Variants in SQOR observed in about 807,000 individuals in gnomAD.
SQOR encodes the protein sulfide quinone oxidoreductase.
Under a neutral mutation model 48.6 loss-of-function variants are expected in SQOR, and 39 were observed. That is an observed-to-expected ratio of 0.80 (90% CI 0.62 to 1.05). The LOEUF is 1.05. Among genes scored for constraint, SQOR ranks in the 50% least tolerant of loss-of-function variants. The pLI, the probability that SQOR is intolerant of heterozygous loss-of-function variation, is 0.00. For synonymous variants in SQOR, 220 were observed against 206.2 expected (o/e 1.07, Z -0.57); for missense variants, 561 against 559.9 (o/e 1.00, Z -0.02).
At chr15:45,632,442 G>C (rs569833264), upstream of SQOR, among the ~76,000 whole-genome samples, 1 of 151,720 alleles carries the variant, frequency 6.6e-6, no homozygotes, top group Non-Finnish European at 1.5e-5. Flanking sequence ...GGCTGGTCTC[G>C]AACTCCTGAC....
intron 7 of SQOR, among the ~76,000 whole-genome samples, chr15:45,684,569 C>T (rs1890186757): frequency 6.6e-6 from 1 of 151,702 alleles, no homozygotes; most frequent in Non-Finnish European, 1.5e-5. Context: ...TGAAGCTAGA[C>T]TTCCTCACTG....
upstream of SQOR, chr15:45,634,875 C>G (rs977255855): frequency 6.6e-6 from 1 of 152,246 alleles, no homozygotes; most frequent in Non-Finnish European, 1.5e-5. Context: ...TTCTGTGCCC[C>G]GTGAGCGCTC....
At chr15:45,652,609 A>C (rs1465229123) in intron 1 of SQOR, among the ~76,000 whole-genome samples, 1 of 145,914 alleles carries the variant, frequency 6.9e-6, no homozygotes, top group Non-Finnish European at 1.5e-5. Flanking sequence ...CAGCCTCCCT[A>C]AAGTTTTGGT....
chr15:45,636,489 C>T (rs536241978), intron 1 of SQOR, among the ~76,000 whole-genome samples: 22 of 151,614 alleles, frequency 1.5e-4, no homozygotes, highest in African/African-American at 2.4e-4. Context: ...ATGCAACCTC[C>T]GCCTGCTGGG....
chr15:45,643,685 C>A (rs1033215263), intron 1 of SQOR, among the ~76,000 whole-genome samples: 2 of 152,220 alleles, frequency 1.3e-5, no homozygotes, highest in South Asian at 4.1e-4. Flanking sequence ...GTTCTGCAAA[C>A]TTAGCCCCTG....
In SQOR at chr15:45,658,979, T is replaced by G. The variant is rs1889667293; in HGVS notation, c.56T>G (p.Leu19Arg). Reference sequence around the variant, plus strand: ...CCCCGTGCCCAGCTCTTTGCCTGCCTGCTCAGGCTGGGCACTCAGCAGGTC... The same window carrying G: ...CCCCGTGCCCAGCTCTTTGCCTGCCGGCTCAGGCTGGGCACTCAGCAGGTC... ...SGPRAQLFAC[L>R]LRLGTQQVGP... Residue 19 changes from leucine to arginine, a missense_variant, in exon 2 of 10, where the codon CTG (leucine) becomes CGG (arginine). Coordinates refer to ENST00000260324, the MANE Select transcript of SQOR (RefSeq NM_021199.4). 1.3e-6 allele frequency: 2 copies of G among 1,597,248 alleles called. No homozygotes were observed. Among genetic ancestry groups the G allele is most frequent in the African/African-American group, 1.3e-5 (1 of 74,684 alleles).
intron 1 of SQOR, among the ~76,000 whole-genome samples, chr15:45,636,406 C>CTT (rs57826307): frequency 3.5e-4 from 48 of 136,594 alleles, no homozygotes; most frequent in Admixed American, 7.4e-4. Flanking sequence ...TTTCTTTCTT[C>CTT]TTTTTTTTTT....
intron 3 of SQOR, among the ~76,000 whole-genome samples, chr15:45,665,141 C>T (rs776145570): frequency 1.1e-4 from 17 of 152,204 alleles, no homozygotes; most frequent in Non-Finnish European, 2.1e-4. Context: ...GGACCATATA[C>T]TTTACTCATC....
At chr15:45,632,199 T>TC (rs1456440049), upstream of SQOR, among the ~76,000 whole-genome samples, 41 of 18,170 alleles carry the variant, frequency 2.3e-3, no homozygotes, top group African/African-American at 6.9e-3. Context: ...TCCCCTCCCC[T>TC]CCCTCCCTCC....
At chr15:45,688,312 T>C in intron 7 of SQOR, 25 bp from the exon 8 acceptor site, 1 of 1,548,922 alleles carries the variant, frequency 6.5e-7, no homozygotes, top group African/African-American at 1.4e-5. Context: ...CTTACATTTT[T>C]CTGACTTTCC....
intron 2 of SQOR, 137 bp from the exon 3 acceptor site, chr15:45,661,818 A>C: frequency 1.2e-6 from 1 of 833,390 alleles, no homozygotes. Context: ...GACGGAGCTA[A>C]CTTTGTGGAG....
chr15:45,666,370 C>T (rs1035951895), intron 3 of SQOR, among the ~76,000 whole-genome samples: 1 of 152,180 alleles, frequency 6.6e-6, no homozygotes, highest in East Asian at 1.9e-4. Flanking sequence ...GTGTATCTTT[C>T]TTGTCCATTG....
At chr15:45,681,255 A>G (rs952891687) in intron 6 of SQOR, among the ~76,000 whole-genome samples, 5 of 152,200 alleles carry the variant, frequency 3.3e-5, no homozygotes, top group African/African-American at 1.2e-4. Context: ...ATAATTTAGT[A>G]GATGATAGCT....
rs1304181742 is a variant in SQOR at position 45,662,218 on chromosome 15, G to A, written c.405+93G>A. The A allele has an allele frequency of 8.9e-6, 12 of 1,351,914 alleles. No individual in the cohort carries two copies. In the South Asian group the frequency reaches 9.2e-5, roughly 10 times the overall value. The allele number at this position is 1,351,914 out of a possible 1,614,324, so 83.7% of individuals were successfully genotyped here. A position where few individuals can be genotyped will look rare whatever the true frequency, so the allele number is the denominator to read the frequency against. On this transcript the variant is annotated intron_variant, in intron 3 of 9. Coordinates refer to ENST00000260324, the MANE Select transcript of SQOR (RefSeq NM_021199.4). The stretch of plus-strand genomic sequence containing the variant: ...CTGGATAGCCTTGTGTTGAAAGAGC[G>A]GTATATATGCATGTGTGTGCATGAA...
intron 7 of SQOR, 66 bp downstream of exon 7, chr15:45,682,727 A>G: frequency 5.1e-6 from 8 of 1,567,792 alleles, no homozygotes; most frequent in Non-Finnish European, 7.0e-6. Flanking sequence ...GATTGTAACA[A>G]AAACACAAGC....
intron 1 of SQOR, among the ~76,000 whole-genome samples, chr15:45,654,209 C>G (rs892842913): frequency 6.6e-6 from 1 of 151,980 alleles, no homozygotes; most frequent in Non-Finnish European, 1.5e-5. Context: ...TCATGCTCCA[C>G]CTTCTCTATA....
At chr15:45,649,549 C>G (rs781037650) in intron 1 of SQOR, among the ~76,000 whole-genome samples, 1 of 152,036 alleles carries the variant, frequency 6.6e-6, no homozygotes, top group South Asian at 2.1e-4. Flanking sequence ...AATCTTGGCT[C>G]ACTGCAACCT....
At chr15:45,687,590 C>CG (rs917413433) in intron 7 of SQOR, among the ~76,000 whole-genome samples, 80 of 144,908 alleles carry the variant, frequency 5.5e-4, no homozygotes, top group African/African-American at 2.0e-3. Context: ...AAAAATACAG[C>CG]GGGAAAAAAA....
At chr15:45,649,845 T>G (rs1240848018) in intron 1 of SQOR, among the ~76,000 whole-genome samples, 2 of 150,942 alleles carry the variant, frequency 1.3e-5, no homozygotes, top group African/African-American at 2.5e-5. Context: ...CAATGCTTTT[T>G]GTTGTTGTTG....
Sources: allele counts gnomAD v4.1 joint callset (sites outside exome capture counted in the v4.1 genomes callset), GRCh38; gene constraint gnomAD v4.1.1; transcripts MANE v1.5; gene names NCBI Gene and HGNC (gene_info 2026-07-23, HGNC 2026-07-21).